The following SART1 variants were observed in gnomAD, a reference collection of about 807,000 sequenced individuals.
SART1 encodes U4/U6.U5 tri-snRNP-associated protein 1.
SART1 carries 28 observed loss-of-function variants against 105.0 expected under a neutral mutation model. The ratio of observed to expected loss-of-function variants is 0.27; its 90% CI spans 0.20 to 0.37. The LOEUF (loss-of-function observed/expected upper bound fraction) is 0.37. Among genes scored for constraint, SART1 ranks in the 10% least tolerant of loss-of-function variants. The pLI, the probability that SART1 is intolerant of heterozygous loss-of-function variation, is 1.00. For synonymous variants in SART1, 472 were observed against 462.9 expected (o/e 1.02, Z -0.25); for missense variants, 894 against 1,106.5 (o/e 0.81, Z 2.72).
intron 9 of SART1, 136 bp from the exon 10 acceptor site, chr11:65,967,123 A>G (rs1855275439): frequency 3.9e-6 from 5 of 1,267,330 alleles, no homozygotes; most frequent in African/African-American, 1.5e-5. Flanking sequence ...ACCACCCCAC[A>G]TGTTGCTCAT....
Position 65,977,636 on chromosome 11 carries a change from C to T in SART1, c.2019C>T (p.Tyr673=). 1 of 1,614,034 alleles carries T rather than the reference C, an allele frequency of 6.2e-7. No homozygotes were observed. The highest frequency in any genetic ancestry group is 1.7e-5 in the Admixed American group (1 of 60,006). ...ACAAGTCGCTGCCCTCAGCCGTGTA[C>T]TGCATCGAGGATAAGATGTGAGTGT... is the stretch of plus-strand genomic sequence containing the variant. The part of the protein sequence containing the change: ...APNKSLPSAV[Y]CIEDKMAIDD... The change falls in exon 16 of 20, where the codon TAC becomes TAT. Residue 673 remains tyrosine (Y), a synonymous_variant. Transcript: ENST00000312397.
rs1000818564 is a variant in SART1, at chr11:65,964,150, G to A, written c.371+19G>A. On this transcript the variant is annotated intron_variant, in intron 2 of 19. Coordinates refer to ENST00000312397, the MANE Select transcript of SART1 (RefSeq NM_005146.5). ...AGACTAAGTGAGTACTGTCTCCCTT[G>A]TTTCTACTTTGTTTTTCTAAGAGAG... The A allele has an allele frequency of 1.2e-6, 2 of 1,610,210 alleles. No individual in the cohort carries two copies. The highest frequency in any genetic ancestry group is 2.7e-5 in the African/African-American group (2 of 74,894).
chr11:65,967,799 A>G lies in SART1; in HGVS notation c.1550A>G (p.Gln517Arg). 1 of 1,545,672 alleles carries G rather than the reference A, an allele frequency of 6.5e-7. No homozygotes were observed. The highest frequency in any genetic ancestry group is 1.2e-5 in the South Asian group (1 of 83,628). Residue 517 changes from glutamine (Q) to arginine (R), a missense_variant, in exon 12 of 20, where the codon CAG (glutamine) becomes CGG (arginine). Gln to Arg is a conservative substitution (Grantham distance 43, BLOSUM62 1). Transcript: ENST00000312397. The part of the protein sequence containing the change: ...RRLRQLQQLQ[Q>R]LRDSGEKVVE... ...CTGCGACAGTTACAGCAGCTACAGCAGCTGCGAGACAGTGGCGAGAAGGTG... is the reference window on the plus strand; with the variant it reads ...CTGCGACAGTTACAGCAGCTACAGCGGCTGCGAGACAGTGGCGAGAAGGTG...
At chr11:65,975,182 T>C (rs2134920182) in intron 12 of SART1, among the ~76,000 whole-genome samples, 1 of 146,436 alleles carries the variant, frequency 6.8e-6, no homozygotes, top group Admixed American at 6.9e-5. Context: ...CGGCTCACCA[T>C]AGCCTCGGCC....
intron 1 of SART1, 41 bp downstream of exon 1, chr11:65,962,134 G>GGGGGGGGGGGGGGGGGGGGGGGGGGGCCC: frequency 2.6e-6 from 1 of 378,092 alleles, no homozygotes; most frequent in Admixed American, 4.1e-5. Flanking sequence ...GTCGGGCGGG[G>GGGGGGGGGGGGGGGGGGGGGGGGGGGCCC]GTCCCGGAAC....
intron 15 of SART1, among the ~76,000 whole-genome samples, chr11:65,977,324 G>A (rs1462216523): frequency 6.6e-6 from 1 of 152,190 alleles, no homozygotes; most frequent in Non-Finnish European, 1.5e-5. Flanking sequence ...AGTTGAAACT[G>A]TTCCAGCTGT....
intron 12 of SART1, among the ~76,000 whole-genome samples, chr11:65,969,759 TGTCACCA>T (rs1855336483): frequency 6.6e-6 from 1 of 151,972 alleles, no homozygotes; most frequent in African/African-American, 2.4e-5. Context: ...AGTCTCGCTC[TGTCACCA>T]GGCTGGAGTG....
rs1264173212 is a variant in SART1 at position 65,962,048 on chromosome 11, G to A, written c.268G>A (p.Glu90Lys). The A allele has an allele frequency of 1.3e-6, 2 of 1,498,170 alleles. No homozygotes were observed. Among genetic ancestry groups the A allele is most frequent in the Non-Finnish European group, 1.8e-6 (2 of 1,130,642 alleles). The allele number at this position is 1,498,170 out of a possible 1,614,324, so 92.8% of individuals were successfully genotyped here. ...GRERSQAEPS[E>K]RRVKREKRDD... ...GGAGCGCAGCCAGGCAGAGCCCTCC[G>A]AGCGGCGCGTGAAGCGGGAGAAGCG... Residue 90 changes from glutamate (E) to lysine (K), a missense_variant, in exon 1 of 20, where the codon GAG becomes AAG. Physicochemically the swap from Glu to Lys is moderately conservative, Grantham distance 56. Coordinates refer to ENST00000312397, the MANE Select transcript of SART1 (RefSeq NM_005146.5).
rs370505822 is a variant in SART1 at position 65,966,538 on chromosome 11, C to T, written c.1170C>T (p.Tyr390=). 1.6e-5 allele frequency: 25 copies of T among 1,547,368 alleles called. No homozygotes were observed. Among genetic ancestry groups the T allele is most frequent in the Non-Finnish European group, 2.2e-5 (25 of 1,149,388 alleles). ...TGGGGCCCCGGCTGGCCTCCGAATACCTCACGCCTGAGGAGATGGTGAGCC... is the reference window on the plus strand; with the variant it reads ...TGGGGCCCCGGCTGGCCTCCGAATATCTCACGCCTGAGGAGATGGTGAGCC... ...STVGPRLASE[Y]LTPEEMVTFK... is the part of the protein sequence containing the mutation. Residue 390 remains tyrosine, a synonymous_variant, in exon 9 of 20, where the codon TAC becomes TAT. Coordinates refer to ENST00000312397, the MANE Select transcript of SART1 (RefSeq NM_005146.5).
intron 3 of SART1, among the ~76,000 whole-genome samples, chr11:65,964,834 T>C (rs1855214410): frequency 6.6e-6 from 1 of 152,244 alleles, no homozygotes; most frequent in Non-Finnish European, 1.5e-5. Flanking sequence ...TGCTGCAGAC[T>C]GCGCTGTGCG....
rs530721949 is a variant in SART1, at chr11:65,966,338, C to T, written c.982-12C>T. On this transcript the variant is annotated splice_polypyrimidine_tract_variant and intron_variant, in intron 8 of 19. Coordinates refer to ENST00000312397, the MANE Select transcript of SART1 (RefSeq NM_005146.5). Reference sequence around the variant, plus strand: ...CCAGCCTGGGTCCCAACCTGTACCTCTTGCCTTGCAGCAAAAACCTCGCTC... The same window carrying T: ...CCAGCCTGGGTCCCAACCTGTACCTTTTGCCTTGCAGCAAAAACCTCGCTC... 211 of 1,614,008 alleles carry T rather than the reference C, an allele frequency of 1.3e-4. 1 individual carries two copies. In the South Asian group the frequency reaches 2.1e-3, roughly 16 times the overall value.
At chr11:65,962,123 G>T in intron 1 of SART1, 30 bp downstream of exon 1, 1 of 1,144,444 alleles carries the variant, frequency 8.7e-7, no homozygotes, top group South Asian at 1.6e-5. Flanking sequence ...GCAGGGGGCG[G>T]GTCGGGCGGG....
chr11:65,966,108 A>G lies in SART1; in HGVS notation c.871A>G (p.Asn291Asp), dbSNP rs112820198. Residue 291 changes from asparagine to aspartate, a missense_variant, in exon 8 of 20, where the codon AAC becomes GAC. By Grantham distance (23) the Asn-to-Asp change is conservative. Coordinates refer to ENST00000312397, the MANE Select transcript of SART1 (RefSeq NM_005146.5). ...GCAGGAGGAGGAGGACGTGCTGGTG[A>G]ACGTGAACCTGGTGGATAAGGAGCG... ...VLQEEEDVLV[N>D]VNLVDKERAE... The G allele has an allele frequency of 6.2e-7, 1 of 1,613,968 alleles. No homozygotes were observed.
chr11:65,968,335 A>G (rs962489172), intron 12 of SART1, among the ~76,000 whole-genome samples: 6 of 152,008 alleles, frequency 3.9e-5, no homozygotes, highest in Admixed American at 3.9e-4. Flanking sequence ...TCTTCTGTGC[A>G]TGTTTGTTGA....
At position 65,966,434 on chromosome 11, in the gene SART1, A is replaced by C. The variant is rs149365770; in HGVS notation, c.1066A>C (p.Thr356Pro). ...TTCCTTCCGCTTGGAGCAGGGCGGC[A>C]CGGCTGATGGCCTGCGGGAGCGGGA... ...PHSFRLEQGG[T>P]ADGLRERELE... Residue 356 changes from threonine (T) to proline (P), a missense_variant, in exon 9 of 20, where the codon ACG becomes CCG. This residue lies in a region of SART1 where 712 missense variants were observed against 778.2 expected (regional missense o/e 0.91). Coordinates refer to ENST00000312397, the MANE Select transcript of SART1 (RefSeq NM_005146.5). The C allele has an allele frequency of 3.7e-6, 6 of 1,613,716 alleles. No individual in the cohort carries two copies. The highest frequency in any genetic ancestry group is 5.1e-6 in the Non-Finnish European group (6 of 1,179,968).
rs574845401 is a variant in SART1, at chr11:65,976,784, G to C, written c.1857+18G>C. The C allele has an allele frequency of 6.3e-6, 10 of 1,578,594 alleles. No individual in the cohort carries two copies. In the Admixed American group the frequency reaches 9.0e-5, roughly 14 times the overall value. ...AGCAGGATGTGAGGGCCGCGCCGCT[G>C]GGGGGTGGGCGTTTGGGGGTGCTCA... On this transcript the variant is annotated intron_variant, in intron 14 of 19. Transcript: ENST00000312397. The surrounding 1 kb of genome is among the most constrained non-coding windows in gnomAD (Gnocchi z 5.1).
intron 1 of SART1, 100 bp from the exon 2 acceptor site, chr11:65,963,974 C>A: frequency 1.0e-6 from 1 of 965,270 alleles, no homozygotes; most frequent in Non-Finnish European, 1.6e-6. Context: ...GGCCCAGGTG[C>A]TGGTGAGGGG....
At position 65,976,711 on chromosome 11, in the gene SART1, A is replaced by G; in HGVS notation, c.1802A>G (p.Glu601Gly). ...AACGGTGGCTCCGAATCTGACGGGG[A>G]GGAGAACATCGGCTGGAGCACGGTG... ...SANGGSESDG[E>G]ENIGWSTVNL... The change falls in exon 14 of 20, where the codon GAG becomes GGG. Residue 601 changes from glutamate to glycine, a missense_variant. Around this residue, in one of 2 missense-constraint regions of SART1, gnomAD observed 182 missense variants for 328.3 expected, o/e 0.55. Transcript: ENST00000312397. The surrounding 1 kb of genome is among the most constrained non-coding windows in gnomAD (Gnocchi z 5.1). The G allele has an allele frequency of 1.2e-6, 2 of 1,613,500 alleles. No homozygotes were observed. Among genetic ancestry groups the G allele is most frequent in the Non-Finnish European group, 1.7e-6 (2 of 1,179,868 alleles).
In SART1 at chr11:65,962,069, A is replaced by G; in HGVS notation, c.289A>G (p.Lys97Glu). 3.1e-6 allele frequency: 4 copies of G among 1,284,188 alleles called. No homozygotes were observed. Among genetic ancestry groups the G allele is most frequent in the Non-Finnish European group, 4.0e-6 (4 of 999,376 alleles). The allele number at this position is 1,284,188 out of a possible 1,614,324, so 79.5% of individuals were successfully genotyped here. A position where few individuals can be genotyped will look rare whatever the true frequency, so the allele number is the denominator to read the frequency against. The change falls in exon 1 of 20, where the codon AAG (lysine) becomes GAG (glutamate). Residue 97 changes from lysine (K) to glutamate (E), a missense_variant. By Grantham distance (56) the Lys-to-Glu change is moderately conservative. Transcript: ENST00000312397. The part of the protein sequence containing the change: ...EPSERRVKRE[K>E]RDDGYEAAAS... ...CTCCGAGCGGCGCGTGAAGCGGGAGAAGCGCGATGACGGCTACGAGGCCGG... is the reference window on the plus strand; with the variant it reads ...CTCCGAGCGGCGCGTGAAGCGGGAGGAGCGCGATGACGGCTACGAGGCCGG...
Sources: gnomAD v4.1 joint callset for allele counts (sites outside exome capture counted in the v4.1 genomes callset) on GRCh38, gnomAD v4.1.1 for gene constraint, gnomAD v4.1.1 regional missense constraint, Gnocchi (gnomAD v3.1) non-coding constraint, MANE v1.5 for transcripts, NCBI Gene and HGNC (gene_info 2026-07-23, HGNC 2026-07-21) for gene names.